Variants in CPAP observed in about 807,000 individuals in gnomAD.
CPAP encodes the protein centrosome assembly and centriole elongation protein.
chr13:24,909,675 C>T, the CPAP span: 63 of 975,738 alleles, frequency 6.5e-5, no homozygotes, highest in African/African-American at 3.9e-4. Context: ...CTGAGCAACA[C>T]GGCAACACTC....
the CPAP span, among the ~76,000 whole-genome samples, chr13:24,918,446 C>T: frequency 7.2e-5 from 11 of 152,098 alleles, no homozygotes; most frequent in South Asian, 2.1e-4. Flanking sequence ...CCCATGCAAC[C>T]GAAAATCTAA....
the CPAP span, chr13:24,906,972 GAAT>G: frequency 2.5e-6 from 4 of 1,610,398 alleles, no homozygotes; most frequent in East Asian, 2.2e-5. Context: ...TAAAATAAAA[GAAT>G]AATATTTGAA....
chr13:24,908,218 T>G, the CPAP span: 1 of 874,698 alleles, frequency 1.1e-6, no homozygotes. Context: ...CTAAAACATT[T>G]TTTTAATTAA....
chr13:24,909,849 T>C, the CPAP span: 1 of 1,613,878 alleles, frequency 6.2e-7, no homozygotes, highest in Admixed American at 1.7e-5. Context: ...TGCTTCTTGA[T>C]ACTGTGCCTC....
the CPAP span, among the ~76,000 whole-genome samples, chr13:24,890,537 T>A: frequency 6.6e-6 from 1 of 152,184 alleles, no homozygotes; most frequent in Non-Finnish European, 1.5e-5. Context: ...ACACACACTG[T>A]CAGCTTCCCT....
the CPAP span, among the ~76,000 whole-genome samples, chr13:24,893,183 G>C: frequency 2.6e-5 from 4 of 151,380 alleles, no homozygotes; most frequent in East Asian, 5.8e-4. Flanking sequence ...AGGGATCCAG[G>C]GGGGAGATCC....
At chr13:24,903,944 CT>C in the CPAP span, 1 of 1,614,124 alleles carries the variant, frequency 6.2e-7, no homozygotes, top group South Asian at 1.1e-5. Context: ...TTCCAAGGCA[CT>C]TTCTCGTTCA....
the CPAP span, chr13:24,910,033 T>C: frequency 1.5e-4 from 245 of 1,613,726 alleles, 1 homozygote; most frequent in Non-Finnish European, 1.9e-4. Context: ...CCAGTGGTGG[T>C]ATTTCCTGGA....
the CPAP span, chr13:24,933,370 T>A: frequency 2.5e-6 from 1 of 393,354 alleles, no homozygotes; most frequent in Non-Finnish European, 4.7e-6. Flanking sequence ...ACATGTCCAG[T>A]GAGGCAGGAT....
chr13:24,899,299 G>A, the CPAP span: 1 of 739,092 alleles, frequency 1.4e-6, no homozygotes, highest in Non-Finnish European at 2.3e-6. Flanking sequence ...ATTATTTGCT[G>A]AATGAATGAA....
At chr13:24,906,512 G>A in the CPAP span, 1 of 1,614,184 alleles carries the variant, frequency 6.2e-7, no homozygotes, top group Non-Finnish European at 8.5e-7. Context: ...AGTATCGCAA[G>A]GTTTTGGACA....
chr13:24,911,859 T>C, the CPAP span: 3 of 1,518,432 alleles, frequency 2.0e-6, no homozygotes, highest in East Asian at 2.2e-5. Flanking sequence ...TCACAACACA[T>C]GATACAGGAA....
the CPAP span, chr13:24,885,364 A>C: frequency 6.2e-7 from 1 of 1,613,876 alleles, no homozygotes; most frequent in Non-Finnish European, 8.5e-7. Context: ...CAGTGGTTCA[A>C]GTGGCTCCCT....
chr13:24,923,825 C>G, the CPAP span, among the ~76,000 whole-genome samples: 1 of 151,894 alleles, frequency 6.6e-6, no homozygotes, highest in African/African-American at 2.4e-5. Context: ...TTTTTCTTTT[C>G]TTTTTTTAAT....
At chr13:24,922,287 A>T in the CPAP span, among the ~76,000 whole-genome samples, 4 of 152,228 alleles carry the variant, frequency 2.6e-5, no homozygotes, top group African/African-American at 9.6e-5. Context: ...GACCGTGAGA[A>T]GTAACTAGTT....
chr13:24,898,911 G>A, the CPAP span, among the ~76,000 whole-genome samples: 1 of 151,940 alleles, frequency 6.6e-6, no homozygotes, highest in Non-Finnish European at 1.5e-5. Context: ...AGTAATCTTC[G>A]TATATGCCAA....
chr13:24,924,704 A>T, the CPAP span: 1 of 152,194 alleles, frequency 6.6e-6, no homozygotes, highest in African/African-American at 2.4e-5. Context: ...ATGCCAGATT[A>T]CCCGTTCTGA....
At chr13:24,927,154 A>G in the CPAP span, among the ~76,000 whole-genome samples, 2 of 152,188 alleles carry the variant, frequency 1.3e-5, no homozygotes, top group African/African-American at 4.8e-5. Flanking sequence ...ACCTCTAATC[A>G]TGCCCATCCC....
chr13:24,882,984 T>C, the CPAP span: 1 of 600,798 alleles, frequency 1.7e-6, no homozygotes, highest in Non-Finnish European at 3.0e-6. Context: ...AAAGACAGGG[T>C]AGTGAATTAT....
Sources: allele counts gnomAD v4.1 joint callset (sites outside exome capture counted in the v4.1 genomes callset), GRCh38; gene constraint gnomAD v4.1.1; transcripts MANE v1.5; gene names NCBI Gene and HGNC (gene_info 2026-07-23, HGNC 2026-07-21).